The following NKAIN4 variants were observed in gnomAD, a reference collection of about 807,000 sequenced individuals.
The protein encoded by NKAIN4 is sodium/potassium-transporting ATPase subunit beta-1-interacting protein 4.
A neutral mutation model predicts 28.8 loss-of-function variants in NKAIN4; 28 were observed. The observed-to-expected ratio is 0.97, with a 90% CI of 0.72 to 1.33. NKAIN4 has a LOEUF of 1.33. NKAIN4 is among the 40% of genes most tolerant of loss of function. NKAIN4 has a pLI of 0.00. For synonymous variants in NKAIN4, 122 were observed against 115.6 expected (o/e 1.06, Z -0.36); for missense variants, 289 against 277.2 (o/e 1.04, Z -0.30).
intron 4 of NKAIN4, chr20:63,246,581 G>A (rs1034788282): frequency 8.1e-6 from 8 of 985,290 alleles, no homozygotes; most frequent in Admixed American, 6.1e-5. Context: ...AGCTCCCACC[G>A]CCAGCCGCCG....
chr20:63,249,879 C>T (rs774721936), intron 2 of NKAIN4, 56 bp downstream of exon 2: 26 of 1,546,376 alleles, frequency 1.7e-5, no homozygotes, highest in Admixed American at 2.0e-5. Context: ...ATGGGAGCCG[C>T]CATCCTGGTC....
Position 63,241,531 on chromosome 20 carries a change from C to T in NKAIN4, c.618-25G>A, listed in dbSNP as rs201870337. ...CCTGTGGGGACAAGGTCAGAGAGCACCTGGGGGAACAGGGCTGGGGCAGCC... is the reference window on the plus strand; with the variant it reads ...CCTGTGGGGACAAGGTCAGAGAGCATCTGGGGGAACAGGGCTGGGGCAGCC... On this transcript the variant is annotated intron_variant, in intron 6 of 6. Transcript: ENST00000370316. 126 of 1,549,222 alleles carry T rather than the reference C, an allele frequency of 8.1e-5. No individual in the cohort carries two copies. In the African/African-American group the frequency reaches 1.5e-3, roughly 19 times the overall value.
At chr20:63,250,484 G>C (rs531264938) in intron 1 of NKAIN4, among the ~76,000 whole-genome samples, 7 of 152,126 alleles carry the variant, frequency 4.6e-5, no homozygotes, top group African/African-American at 1.7e-4. Flanking sequence ...CCCAGAAAAC[G>C]CCACTCGGGG....
chr20:63,241,911 T>C (rs1262996381), intron 6 of NKAIN4, among the ~76,000 whole-genome samples: 2 of 151,970 alleles, frequency 1.3e-5, no homozygotes, highest in African/African-American at 4.8e-5. Context: ...CAGCCCTCAT[T>C]TTTAGGAGAG....
chr20:63,254,493 GC>G (rs1287847019), upstream of NKAIN4: 12 of 1,255,824 alleles, frequency 9.6e-6, no homozygotes, highest in South Asian at 4.9e-5. Context: ...CCCGCGCTCG[GC>G]CCCCGCCCCC....
intron 2 of NKAIN4, 111 bp downstream of exon 2, chr20:63,249,824 G>T: frequency 8.5e-7 from 1 of 1,177,702 alleles, no homozygotes; most frequent in Non-Finnish European, 1.2e-6. Context: ...GTTGGCATTT[G>T]TGGGGTGTTC....
chr20:63,249,703 G>T (rs1351117313), intron 2 of NKAIN4, among the ~76,000 whole-genome samples: 1 of 152,086 alleles, frequency 6.6e-6, no homozygotes, highest in Non-Finnish European at 1.5e-5. Flanking sequence ...CAGTGCCTGG[G>T]GCCCCCCAAT....
intron 5 of NKAIN4, among the ~76,000 whole-genome samples, chr20:63,243,507 C>T (rs73151501): frequency 0.013 from 2,011 of 152,264 alleles, 24 homozygotes; most frequent in Non-Finnish European, 0.02. Context: ...TCCTGTGAGA[C>T]CACACCAGGA....
chr20:63,242,551 T>C lies in NKAIN4; in HGVS notation c.605A>G (p.Lys202Arg), dbSNP rs1258237902. 6.2e-7 allele frequency: 1 copy of C among 1,612,502 alleles called. No homozygotes were observed. The highest frequency in any genetic ancestry group is 8.5e-7 in the Non-Finnish European group (1 of 1,178,734). ...CAGCCATACTTACAAGTACACCTGC[T>C]TGGACAAGAGACTGGATGGCTTTTC... is the stretch of plus-strand genomic sequence containing the variant. Reference protein sequence around the residue: ...VNEKPSSLLSKQVYLPA With the variant: ...VNEKPSSLLSRQVYLPA The change falls in exon 6 of 7, where the codon AAG becomes AGG. Residue 202 changes from lysine (K) to arginine (R), a missense_variant. Coordinates refer to ENST00000370316, the MANE Select transcript of NKAIN4 (RefSeq NM_152864.4).
In NKAIN4 at chr20:63,241,441, C is replaced by T. The variant is rs2066748917; in HGVS notation, c.*56G>A. 3.9e-6 allele frequency: 6 copies of T among 1,548,100 alleles called. No individual in the cohort carries two copies. In the South Asian group the frequency reaches 6.0e-5, roughly 15 times the overall value. On this transcript the variant is annotated 3_prime_UTR_variant, in exon 7 of 7. Coordinates refer to ENST00000370316, the MANE Select transcript of NKAIN4 (RefSeq NM_152864.4). ...AAGGCCTGGGAGCTCCTGTCATTGTCACTGGTCGGTCGCTGAGGCTGGAGG... is the reference window on the plus strand; with the variant it reads ...AAGGCCTGGGAGCTCCTGTCATTGTTACTGGTCGGTCGCTGAGGCTGGAGG...
rs911203174 is a variant in NKAIN4 at position 63,252,813 on chromosome 20, G to A, written c.54+1584C>T. On this transcript the variant is annotated intron_variant, in intron 1 of 6. Transcript: ENST00000370316. The surrounding 1 kb of genome is among the most constrained non-coding windows in gnomAD (Gnocchi z 4.6). ...TGCGCCCATCTGTCTACTGTCCACC[G>A]CAGAGGTGAAACGGGAACATGACCC... Among the ~76,000 whole-genome samples, 3 of 152,060 alleles carry A rather than the reference G, an allele frequency of 2.0e-5. No individual in the cohort carries two copies. The highest frequency in any genetic ancestry group is 4.4e-5 in the Non-Finnish European group (3 of 68,008).
intron 1 of NKAIN4, among the ~76,000 whole-genome samples, chr20:63,250,381 A>C (rs2123117693): frequency 6.6e-6 from 1 of 152,248 alleles, no homozygotes; most frequent in South Asian, 2.1e-4. Context: ...AGTAGGCCCC[A>C]TCCCCTCTGT....
intron 4 of NKAIN4, chr20:63,246,951 CCT>C (rs1022025124): frequency 5.1e-6 from 5 of 986,968 alleles, no homozygotes; most frequent in African/African-American, 1.7e-5. Context: ...CATCGTAGCC[CCT>C]GTTCTCTACC....
chr20:63,247,150 G>A, intron 4 of NKAIN4: 1 of 1,093,604 alleles, frequency 9.1e-7, no homozygotes, highest in Non-Finnish European at 1.1e-6. Flanking sequence ...CCCAGCCTCA[G>A]GCTCTGTCCA....
intron 4 of NKAIN4, chr20:63,246,673 G>A (rs1051857125): frequency 8.9e-5 from 88 of 985,282 alleles, no homozygotes; most frequent in Non-Finnish European, 9.9e-5. Flanking sequence ...GAAAAGCCAG[G>A]GAGCCTCGAG....
intron 4 of NKAIN4, 50 bp downstream of exon 4, chr20:63,247,528 C>G (rs2066880834): frequency 6.5e-7 from 1 of 1,547,726 alleles, no homozygotes; most frequent in African/African-American, 1.4e-5. Flanking sequence ...CTCCATGTCC[C>G]CTCCCCCATC....
intron 4 of NKAIN4, chr20:63,244,354 A>C (rs2123067004): frequency 1.8e-6 from 1 of 544,528 alleles, no homozygotes; most frequent in Admixed American, 2.4e-5. Flanking sequence ...TTGGGTGGGG[A>C]AGATGAGCAG....
chr20:63,241,993 G>A (rs8124240), intron 6 of NKAIN4, among the ~76,000 whole-genome samples: 2,176 of 152,246 alleles, frequency 0.014, 51 homozygotes, highest in African/African-American at 0.048. Context: ...GGGCGGTGCA[G>A]CCACCTATTC....
In NKAIN4 at chr20:63,243,444, C is replaced by T. The variant is rs191707453; in HGVS notation, c.532+580G>A. ...CCAGGACCCCTGGGCACACCCAGACCCTGCTTGGCGTCTGCCCTTCCCCAC... is the reference window on the plus strand; with the variant it reads ...CCAGGACCCCTGGGCACACCCAGACTCTGCTTGGCGTCTGCCCTTCCCCAC... On this transcript the variant is annotated intron_variant, in intron 5 of 6. Transcript: ENST00000370316. Among the ~76,000 whole-genome samples, 373 of 152,266 alleles carry T rather than the reference C, an allele frequency of 2.4e-3. 1 individual carries two copies. The highest frequency in any genetic ancestry group is 4.3e-3 in the Non-Finnish European group (293 of 68,004).
Sources: allele counts gnomAD v4.1 joint callset (sites outside exome capture counted in the v4.1 genomes callset), GRCh38; gene constraint gnomAD v4.1.1; non-coding constraint Gnocchi (gnomAD v3.1); transcripts MANE v1.5; gene names NCBI Gene and HGNC (gene_info 2026-07-23, HGNC 2026-07-21).